ADK: variants seen among roughly 807,000 people sequenced by gnomAD.
ADK encodes the protein adenosine kinase.
A neutral mutation model predicts 44.7 loss-of-function variants in ADK; 24 were observed. The observed-to-expected ratio is 0.54, with a 90% CI of 0.39 to 0.76. The LOEUF is 0.76. Among genes scored for constraint, ADK ranks in the 30% least tolerant of loss-of-function variants. ADK has a pLI of 0.00. For synonymous variants in ADK, 128 were observed against 142.6 expected, an observed-to-expected ratio of 0.90 and a Z score of 0.73; for missense variants, 321 against 425.1, an observed-to-expected ratio of 0.76 and a Z score of 2.15.
At chr10:74,604,566 A>G (rs758411099) in intron 9 of ADK, among the ~76,000 whole-genome samples, 6 of 151,934 alleles carry the variant, frequency 3.9e-5, no homozygotes, top group Non-Finnish European at 8.8e-5. Flanking sequence ...ATCGTTGTAG[A>G]TGTGTGGCAT....
chr10:74,590,345 G>A (rs149960981), intron 8 of ADK, among the ~76,000 whole-genome samples: 136 of 152,246 alleles, frequency 8.9e-4, no homozygotes, highest in Middle Eastern at 3.4e-3. Context: ...GTAAGGACTA[G>A]TAAGCTCACT....
intron 6 of ADK, among the ~76,000 whole-genome samples, chr10:74,499,542 G>A (rs1457978032): frequency 6.6e-6 from 1 of 152,122 alleles, no homozygotes; most frequent in Non-Finnish European, 1.5e-5. Flanking sequence ...CAAAAAATTA[G>A]CCAGGCGTGG....
intron 1 of ADK, among the ~76,000 whole-genome samples, chr10:74,181,148 A>C (rs961321): frequency 0.071 from 10,752 of 152,172 alleles, 1,311 homozygotes; most frequent in African/African-American, 0.25. Context: ...ACAGTTACAT[A>C]TCTTGAACTA....
chr10:74,455,744 G>A (rs1273581006), intron 6 of ADK, among the ~76,000 whole-genome samples: 13 of 152,060 alleles, frequency 8.5e-5, no homozygotes, highest in Non-Finnish European at 1.5e-4. Flanking sequence ...TCTTGACCTC[G>A]TGATCCTCCC....
intron 3 of ADK, among the ~76,000 whole-genome samples, chr10:74,230,319 G>A (rs77738225): frequency 0.05 from 7,500 of 151,462 alleles, 644 homozygotes; most frequent in African/African-American, 0.17. Flanking sequence ...ACCAATATCC[G>A]TATTTTATCA....
At position 74,525,381 on chromosome 10, in the gene ADK, G is replaced by A; in HGVS notation, c.681G>A (p.Leu227=). 6.2e-7 allele frequency: 1 copy of A among 1,613,580 alleles called. No homozygotes were observed. Among genetic ancestry groups the A allele is most frequent in the Non-Finnish European group, 8.5e-7 (1 of 1,179,822 alleles). The change falls in exon 7 of 11, where the codon TTG becomes TTA. Residue 227 remains leucine (L), a synonymous_variant. Transcript: ENST00000539909. ...PFISQFYKES[L]MKVMPYVDIL... is the part of the protein sequence containing the mutation. ...TTAGCCAGTTCTACAAGGAATCATT[G>A]ATGAAAGTTATGCCTTATGTTGATA...
At chr10:74,274,458 A>G (rs993397315) in intron 3 of ADK, among the ~76,000 whole-genome samples, 21 of 151,762 alleles carry the variant, frequency 1.4e-4, no homozygotes. Context: ...GCTACTCAGG[A>G]GGCTGAGGCG....
chr10:74,553,195 T>TTG (rs1347671663), intron 7 of ADK, among the ~76,000 whole-genome samples: 3 of 103,054 alleles, frequency 2.9e-5, no homozygotes, highest in East Asian at 5.3e-4. Context: ...ATTGTGTTTT[T>TTG]TTTTTTTTTT....
At chr10:74,659,360 A>G (rs1251373233) in intron 9 of ADK, among the ~76,000 whole-genome samples, 1 of 152,238 alleles carries the variant, frequency 6.6e-6, no homozygotes, top group African/African-American at 2.4e-5. Context: ...TCATTCTCTT[A>G]TATGTTTACA....
At chr10:74,254,253 A>G (rs547388277) in intron 3 of ADK, among the ~76,000 whole-genome samples, 13 of 152,316 alleles carry the variant, frequency 8.5e-5, no homozygotes, top group African/African-American at 2.6e-4. Flanking sequence ...TCTTTTTGAA[A>G]TTCATGTTTT....
At chr10:74,406,520 T>TAAGAAGAAG (rs1459364443) in intron 6 of ADK, among the ~76,000 whole-genome samples, 3 of 57,562 alleles carry the variant, frequency 5.2e-5, no homozygotes, top group East Asian at 3.4e-4. Context: ...ATAATAATAA[T>TAAGAAGAAG]AATAATAAGA....
intron 3 of ADK, among the ~76,000 whole-genome samples, chr10:74,228,218 A>G (rs974728587): frequency 4.6e-5 from 7 of 152,186 alleles, no homozygotes; most frequent in Admixed American, 3.3e-4. Flanking sequence ...ACAGGGAAAT[A>G]TTGGTCAGCA....
intron 6 of ADK, among the ~76,000 whole-genome samples, chr10:74,507,711 G>A (rs2133491870): frequency 6.6e-6 from 1 of 152,260 alleles, no homozygotes; most frequent in Admixed American, 6.5e-5. Flanking sequence ...AAAATTTTCT[G>A]TGCTTTTTGC....
At chr10:74,213,100 T>A (rs980144704) in intron 2 of ADK, among the ~76,000 whole-genome samples, 1 of 151,890 alleles carries the variant, frequency 6.6e-6, no homozygotes, top group Non-Finnish European at 1.5e-5. Flanking sequence ...GGTAGAAGAG[T>A]CATGGCTGGA....
intron 7 of ADK, among the ~76,000 whole-genome samples, chr10:74,544,303 A>AAG (rs1849749417): frequency 6.6e-6 from 1 of 152,184 alleles, no homozygotes; most frequent in East Asian, 1.9e-4. Context: ...ACCACTTCCC[A>AAG]TCCTGGGGCT....
At chr10:74,691,622 T>C (rs1437191588) in intron 10 of ADK, among the ~76,000 whole-genome samples, 3 of 152,164 alleles carry the variant, frequency 2.0e-5, no homozygotes, top group Non-Finnish European at 4.4e-5. Context: ...CCATGGAGAA[T>C]ACCAAACGAG....
intron 9 of ADK, among the ~76,000 whole-genome samples, chr10:74,667,607 G>T (rs571940401): frequency 8.7e-5 from 13 of 149,048 alleles, no homozygotes; most frequent in Non-Finnish European, 1.9e-4. Flanking sequence ...ATCTTGGCTC[G>T]CTGCAACCTC....
At chr10:74,568,909 A>C (rs1589256264) in intron 7 of ADK, among the ~76,000 whole-genome samples, 2 of 150,956 alleles carry the variant, frequency 1.3e-5, no homozygotes, top group South Asian at 4.2e-4. Flanking sequence ...TATATCTCCA[A>C]ATGCTATCCC....
chr10:74,204,908 C>T (rs1352583321), intron 2 of ADK, among the ~76,000 whole-genome samples: 1 of 151,908 alleles, frequency 6.6e-6, no homozygotes, highest in Non-Finnish European at 1.5e-5. Context: ...GGTGTGATGG[C>T]ACGCACCTGT....
Sources: gnomAD v4.1 joint callset for allele counts (sites outside exome capture counted in the v4.1 genomes callset) on GRCh38, gnomAD v4.1.1 for gene constraint, MANE v1.5 for transcripts, NCBI Gene and HGNC (gene_info 2026-07-23, HGNC 2026-07-21) for gene names.